The following PRKCA variants were observed in gnomAD, a reference collection of about 807,000 sequenced individuals.
PRKCA encodes protein kinase C alpha type.
PRKCA carries 27 observed loss-of-function variants against 87.0 expected under a neutral mutation model. The observed-to-expected ratio is 0.31, with a 90% confidence interval of 0.23 to 0.43. The LOEUF (loss-of-function observed/expected upper bound fraction) is 0.43, where lower values mean the gene tolerates loss of function less well. Ranked by LOEUF, PRKCA falls within the 20% of genes least tolerant of loss-of-function variation. The pLI is 1.00. For missense variants in PRKCA, 518 were observed against 852.3 expected (o/e 0.61, Z 4.88); for synonymous variants, 329 against 311.1 (o/e 1.06, Z -0.61).
At chr17:66,454,069 T>A (rs1481785888) in intron 2 of PRKCA, among the ~76,000 whole-genome samples, 2 of 152,262 alleles carry the variant, frequency 1.3e-5, no homozygotes, top group Non-Finnish European at 2.9e-5. Context: ...CCTCATGCCC[T>A]AGTTTCATGT....
At chr17:66,344,979 C>A (rs187929872) in intron 2 of PRKCA, among the ~76,000 whole-genome samples, 349 of 152,266 alleles carry the variant, frequency 2.3e-3, no homozygotes, top group African/African-American at 8.2e-3. Context: ...ACTGAAAGAA[C>A]GAATATACCT....
rs944738516 is a variant in PRKCA, at chr17:66,554,616, T to G, written c.288+58333T>G. The G allele has an allele frequency of 4.7e-6, 4 of 846,860 alleles. No homozygotes were observed. The African/African-American group carries it at 7.4e-5, about 16-fold the overall frequency. The allele number at this position is 846,860 out of a possible 1,614,324, so 52.5% of individuals were successfully genotyped here. A position where few individuals can be genotyped will look rare whatever the true frequency, so the allele number is the denominator to read the frequency against. On this transcript the variant is annotated intron_variant, in intron 3 of 16. Coordinates refer to ENST00000413366, the MANE Select transcript of PRKCA (RefSeq NM_002737.3). Reference sequence around the variant, plus strand: ...GACCTGTTAATTTTAAAGGACTTTTTTTTGGTGGGGGGCACTAGCAAATAA... The same window carrying G: ...GACCTGTTAATTTTAAAGGACTTTTGTTTGGTGGGGGGCACTAGCAAATAA...
chr17:66,533,774 T>A (rs1967656623), intron 3 of PRKCA, among the ~76,000 whole-genome samples: 1 of 152,148 alleles, frequency 6.6e-6, no homozygotes, highest in African/African-American at 2.4e-5. Context: ...GGGGAGCGGC[T>A]TTTAGTTGCT....
At chr17:66,606,851 CATTT>C (rs1340691060) in intron 3 of PRKCA, among the ~76,000 whole-genome samples, 5 of 151,940 alleles carry the variant, frequency 3.3e-5, no homozygotes, top group Non-Finnish European at 5.9e-5. Context: ...AATTATGACT[CATTT>C]ATGTGGTCAT....
chr17:66,397,828 C>T (rs976189265), intron 2 of PRKCA, among the ~76,000 whole-genome samples: 2 of 152,134 alleles, frequency 1.3e-5, no homozygotes. Context: ...ATCCTGATGG[C>T]ACCACTGTCG....
chr17:66,592,343 C>CAAAAAA lies in PRKCA; in HGVS notation c.289-48999_289-48994dup, dbSNP rs71160581. On this transcript the variant is annotated intron_variant, in intron 3 of 16. Transcript: ENST00000413366. ...GCACTCCAGTCTGGGTGATCCGTCT[C>CAAAAAA]AAAAAAAAAAAAAAAAAAGTTACCA... Among the ~76,000 whole-genome samples the CAAAAAA allele has an allele frequency of 5.8e-4, 48 of 82,332 alleles. 5 individuals carry two copies. Among genetic ancestry groups the CAAAAAA allele is most frequent in the African/African-American group, 1.6e-3 (27 of 17,144 alleles). 54.0% of individuals were successfully genotyped at this position (82,332 alleles called of 152,430 possible).
At chr17:66,505,050 T>G (rs1419579575) in intron 3 of PRKCA, among the ~76,000 whole-genome samples, 1 of 152,162 alleles carries the variant, frequency 6.6e-6, no homozygotes, top group East Asian at 1.9e-4. Context: ...ACAGGAAACC[T>G]TAAAAAGAAG....
chr17:66,667,441 G>A (rs1354418149), intron 5 of PRKCA, among the ~76,000 whole-genome samples: 2 of 152,224 alleles, frequency 1.3e-5, no homozygotes, highest in Admixed American at 1.3e-4. Flanking sequence ...CATGGCGGCA[G>A]CAAGGAGAAG....
chr17:66,532,584 C>T (rs1039367211), intron 3 of PRKCA, among the ~76,000 whole-genome samples: 5 of 151,974 alleles, frequency 3.3e-5, no homozygotes, highest in Non-Finnish European at 5.9e-5. Context: ...GTCTTGAACT[C>T]CTGACCTCAG....
chr17:66,757,871 C>G (rs1186122806), intron 13 of PRKCA, among the ~76,000 whole-genome samples: 1 of 152,142 alleles, frequency 6.6e-6, no homozygotes, highest in Non-Finnish European at 1.5e-5. Context: ...ACTACAGGTG[C>G]CCACCACCAT....
At chr17:66,379,811 A>G (rs1173157827) in intron 2 of PRKCA, among the ~76,000 whole-genome samples, 2 of 152,298 alleles carry the variant, frequency 1.3e-5, no homozygotes, top group South Asian at 2.1e-4. Context: ...AAGGTCATGG[A>G]TATTCCTTTG....
rs150976110 is a variant in PRKCA, at chr17:66,741,111, T to A, written c.1323-548T>A. On this transcript the variant is annotated intron_variant, in intron 11 of 16. Coordinates refer to ENST00000413366, the MANE Select transcript of PRKCA (RefSeq NM_002737.3). ...AATCTGAGTTTCAGCTATTAATGTA[T>A]TAACAATTTTGAAGTGATGGTAGTT... 3.3e-3 allele frequency among the ~76,000 whole-genome samples: 497 copies of A among 152,334 alleles called. 3 individuals are homozygous for A. The highest frequency in any genetic ancestry group is 0.011 in the African/African-American group (458 of 41,582).
chr17:66,797,623 T>A (rs868083195), intron 16 of PRKCA, among the ~76,000 whole-genome samples: 3 of 152,292 alleles, frequency 2.0e-5, no homozygotes, highest in Non-Finnish European at 1.5e-5. Context: ...ATCACCATCT[T>A]ACCTTCGCAG....
intron 2 of PRKCA, among the ~76,000 whole-genome samples, chr17:66,385,376 A>G (rs979223114): frequency 6.6e-6 from 1 of 152,230 alleles, no homozygotes; most frequent in Non-Finnish European, 1.5e-5. Flanking sequence ...AACCTCATTT[A>G]ATCAGTAGCC....
chr17:66,348,638 T>C (rs753356787), intron 2 of PRKCA, among the ~76,000 whole-genome samples: 34 of 152,236 alleles, frequency 2.2e-4, no homozygotes, highest in Non-Finnish European at 3.8e-4. Context: ...CTTATTTGTC[T>C]TGGAGAAATG....
rs143643008 is a variant in PRKCA at position 66,587,324 on chromosome 17, A to G, written c.289-54031A>G. ...ACTGTACACTTTTTCAGCATGTGCA[A>G]ATCTGTCTAGCTTATAATCTAGCAT... On this transcript the variant is annotated intron_variant, in intron 3 of 16. Transcript: ENST00000413366. Among the ~76,000 whole-genome samples the G allele has an allele frequency of 1.9e-3, 288 of 152,302 alleles. 1 individual carries two copies. Among genetic ancestry groups the G allele is most frequent in the African/African-American group, 6.6e-3 (274 of 41,578 alleles).
At chr17:66,330,638 GACTCA>G (rs1318733410) in intron 2 of PRKCA, among the ~76,000 whole-genome samples, 1 of 152,138 alleles carries the variant, frequency 6.6e-6, no homozygotes, top group Non-Finnish European at 1.5e-5. Flanking sequence ...TATTCCATTA[GACTCA>G]ACTCCATTTT....
rs181944200 is a variant in PRKCA, at chr17:66,748,463, G to A, written c.1524+5703G>A. On this transcript the variant is annotated intron_variant, in intron 13 of 16. Coordinates refer to ENST00000413366, the MANE Select transcript of PRKCA (RefSeq NM_002737.3). ...AAGATGGGAGGAATAAAGACCAAAG[G>A]ATGTCCATAGAGGTGGAAGCACTAG... Among the ~76,000 whole-genome samples the A allele has an allele frequency of 2.3e-3, 346 of 152,276 alleles. 2 individuals carry two copies. Among genetic ancestry groups the A allele is most frequent in the Middle Eastern group, 0.01 (3 of 294 alleles).
chr17:66,442,521 G>A (rs556275410), intron 2 of PRKCA, among the ~76,000 whole-genome samples: 56 of 152,176 alleles, frequency 3.7e-4, no homozygotes, highest in South Asian at 2.1e-3. Flanking sequence ...GCTTCCCATT[G>A]CTTCTAGGAT....
Sources: allele counts gnomAD v4.1 joint callset (sites outside exome capture counted in the v4.1 genomes callset), GRCh38; gene constraint gnomAD v4.1.1; transcripts MANE v1.5; gene names NCBI Gene and HGNC (gene_info 2026-07-23, HGNC 2026-07-21).